CFAP299: variants seen among roughly 807,000 people sequenced by gnomAD.
CFAP299 encodes the protein cilia- and flagella-associated protein 299.
In CFAP299, 21 loss-of-function variants were observed where a neutral mutation model predicts 27.0. The observed-to-expected ratio is 0.78, with a 90% CI of 0.55 to 1.12. The LOEUF is 1.12. CFAP299 is among the 50% of genes most tolerant of loss of function. The pLI is 0.00. For missense variants in CFAP299, 310 were observed against 276.6 expected (o/e 1.12, Z -0.86); for synonymous variants, 104 against 98.1 (o/e 1.06, Z -0.36).
chr4:80,692,551 G>A lies in CFAP299; in HGVS notation c.333+109368G>A, dbSNP rs201171670. ...CCTTATACAAAAATCAATTCAAGAT[G>A]GATTAAAGACTTAAACGTTAGACCT... On this transcript the variant is annotated intron_variant, in intron 3 of 5. Transcript: ENST00000358105. Among the ~76,000 whole-genome samples the A allele has an allele frequency of 3.3e-5, 5 of 151,728 alleles. No homozygotes were observed. The South Asian group carries it at 6.3e-4, about 19-fold the overall frequency.
At chr4:80,755,312 CAAAT>C (rs1309829115) in intron 3 of CFAP299, among the ~76,000 whole-genome samples, 1 of 151,882 alleles carries the variant, frequency 6.6e-6, no homozygotes, top group African/African-American at 2.4e-5. Context: ...AAAAAAAAGA[CAAAT>C]AAAAATTATG....
chr4:80,402,521 A>G (rs1726215786), intron 2 of CFAP299, among the ~76,000 whole-genome samples: 1 of 152,112 alleles, frequency 6.6e-6, no homozygotes, highest in Non-Finnish European at 1.5e-5. Flanking sequence ...GTCTCCCACC[A>G]TGATTCTGAG....
chr4:80,552,561 A>C (rs1734577315), intron 2 of CFAP299, among the ~76,000 whole-genome samples: 1 of 152,228 alleles, frequency 6.6e-6, no homozygotes, highest in African/African-American at 2.4e-5. Flanking sequence ...GCATGGTTCA[A>C]AAAATTACAA....
intron 3 of CFAP299, among the ~76,000 whole-genome samples, chr4:80,705,687 C>T (rs1721779010): frequency 6.6e-6 from 1 of 151,848 alleles, no homozygotes; most frequent in Non-Finnish European, 1.5e-5. Context: ...GAACACTGGA[C>T]TGCTTTCCTT....
At chr4:80,466,486 G>A (rs1310968974) in intron 2 of CFAP299, among the ~76,000 whole-genome samples, 1 of 152,124 alleles carries the variant, frequency 6.6e-6, no homozygotes, top group East Asian at 1.9e-4. Flanking sequence ...TAAAATAAGT[G>A]CAAAGTATCT....
chr4:80,608,581 G>A (rs1186559469), intron 3 of CFAP299, among the ~76,000 whole-genome samples: 1 of 151,988 alleles, frequency 6.6e-6, no homozygotes, highest in South Asian at 2.1e-4. Flanking sequence ...TAGGGTAAAT[G>A]GCTCTCATTT....
intron 2 of CFAP299, among the ~76,000 whole-genome samples, chr4:80,454,499 G>A (rs1252376105): frequency 2.0e-5 from 3 of 152,136 alleles, no homozygotes; most frequent in Non-Finnish European, 4.4e-5. Flanking sequence ...ATGAGAACCA[G>A]CTCACCCCCA....
chr4:80,409,430 TAA>T (rs1208627441), intron 2 of CFAP299, among the ~76,000 whole-genome samples: 2 of 152,222 alleles, frequency 1.3e-5, no homozygotes, highest in Admixed American at 6.5e-5. Context: ...AATGTATTGA[TAA>T]AGTTTCCCAT....
intron 3 of CFAP299, among the ~76,000 whole-genome samples, chr4:80,716,397 T>C (rs1355080432): frequency 6.7e-6 from 1 of 150,150 alleles, no homozygotes; most frequent in East Asian, 1.9e-4. Context: ...ATATATAATA[T>C]ATTCTATAAG....
intron 2 of CFAP299, among the ~76,000 whole-genome samples, chr4:80,411,372 T>G (rs925995247): frequency 6.6e-6 from 1 of 152,186 alleles, no homozygotes; most frequent in Middle Eastern, 3.2e-3. Flanking sequence ...GTTTTATCAC[T>G]GCCTAAGGTT....
chr4:80,645,149 T>A (rs1320403235), intron 3 of CFAP299, among the ~76,000 whole-genome samples: 1 of 152,148 alleles, frequency 6.6e-6, no homozygotes, highest in Non-Finnish European at 1.5e-5. Flanking sequence ...TTCCCACCAG[T>A]ATTTTCCAAT....
chr4:80,903,870 T>G (rs1270563117), intron 4 of CFAP299, among the ~76,000 whole-genome samples: 2 of 152,134 alleles, frequency 1.3e-5, no homozygotes, highest in African/African-American at 4.8e-5. Flanking sequence ...ACATAGGGAT[T>G]CATAGAAAAA....
At chr4:80,440,323 G>A (rs1728299690) in intron 2 of CFAP299, among the ~76,000 whole-genome samples, 1 of 82,736 alleles carries the variant, frequency 1.2e-5, no homozygotes, top group Non-Finnish European at 3.6e-5. Flanking sequence ...CATCTGGCGG[G>A]TGCCCCTCTG....
At chr4:80,818,628 C>G (rs1375371391) in intron 3 of CFAP299, among the ~76,000 whole-genome samples, 1 of 152,018 alleles carries the variant, frequency 6.6e-6, no homozygotes, top group Non-Finnish European at 1.5e-5. Context: ...AGTCATCAAA[C>G]CCCCTTCACC....
intron 5 of CFAP299, among the ~76,000 whole-genome samples, chr4:80,954,680 CG>C (rs1421775834): frequency 6.6e-6 from 1 of 151,658 alleles, no homozygotes; most frequent in South Asian, 2.1e-4. Flanking sequence ...TCTTAATATG[CG>C]GGGGGGACAA....
intron 2 of CFAP299, among the ~76,000 whole-genome samples, chr4:80,436,485 G>T (rs1728088436): frequency 6.6e-6 from 1 of 151,994 alleles, no homozygotes; most frequent in South Asian, 2.1e-4. Context: ...GTATGTTTTA[G>T]TAGAGACGGG....
the CFAP299 span, among the ~76,000 whole-genome samples, chr4:80,324,581 C>T: frequency 6.6e-6 from 1 of 152,164 alleles, no homozygotes. Context: ...GTCACAGACT[C>T]ACTGGCAGCC....
chr4:80,506,453 G>A (rs959134306), intron 2 of CFAP299, among the ~76,000 whole-genome samples: 1 of 152,094 alleles, frequency 6.6e-6, no homozygotes, highest in Non-Finnish European at 1.5e-5. Context: ...AAAGTCTGTG[G>A]TTTATTATTT....
Position 80,811,279 on chromosome 4 carries a change from T to C in CFAP299, c.334-58714T>C, listed in dbSNP as rs111276609. Among the ~76,000 whole-genome samples, 15 of 152,278 alleles carry C rather than the reference T, an allele frequency of 9.9e-5. 1 individual carries two copies. Among genetic ancestry groups the C allele is most frequent in the African/African-American group, 3.4e-4 (14 of 41,578 alleles). ...CAAAAATTTATTTCTAAAAGAAATA[T>C]ACCTAATCTATTTACTCTGTGGTCA... On this transcript the variant is annotated intron_variant, in intron 3 of 5. Transcript: ENST00000358105.
Sources: allele counts gnomAD v4.1 joint callset (sites outside exome capture counted in the v4.1 genomes callset), GRCh38; gene constraint gnomAD v4.1.1; transcripts MANE v1.5; gene names NCBI Gene and HGNC (gene_info 2026-07-23, HGNC 2026-07-21).